LIN7C: variants seen among roughly 807,000 people sequenced by gnomAD.
LIN7C encodes the protein lin-7 cell polarity scaffold C.
A neutral mutation model predicts 24.7 loss-of-function variants in LIN7C; 17 were observed. That is an observed-to-expected ratio of 0.69 (90% confidence interval 0.47 to 1.03). The LOEUF (loss-of-function observed/expected upper bound fraction) is 1.03, where lower values mean the gene tolerates loss of function less well. LIN7C is among the 50% of genes least tolerant of loss of function. The pLI is 0.00. For synonymous variants in LIN7C, 90 were observed against 83.4 expected, an observed-to-expected ratio of 1.08 and a Z score of -0.43; for missense variants, 204 against 239.0, an observed-to-expected ratio of 0.85 and a Z score of 0.97.
In LIN7C at chr11:27,497,225, C is replaced by T. The variant is rs1335586615; in HGVS notation, c.*1424G>A. 1 of 152,578 alleles carries T rather than the reference C, an allele frequency of 6.6e-6. No homozygotes were observed. The highest frequency in any genetic ancestry group is 1.5e-5 in the Non-Finnish European group (1 of 67,970). 9.5% of individuals were successfully genotyped at this position (152,578 alleles called of 1,614,324 possible). ...TCACAAACATGCAGAAAAAAGCATA[C>T]AATTCTATTCTTCCTGAAGGAATGT... is the stretch of plus-strand genomic sequence containing the variant. On this transcript the variant is annotated 3_prime_UTR_variant, in exon 5 of 5. Coordinates refer to ENST00000278193, the MANE Select transcript of LIN7C (RefSeq NM_018362.4).
Position 27,498,596 on chromosome 11 carries a change from A to C in LIN7C, c.*53T>G. 6.4e-7 allele frequency: 1 copy of C among 1,550,840 alleles called. No individual in the cohort carries two copies. The highest frequency in any genetic ancestry group is 1.8e-5 in the Admixed American group (1 of 54,702). On this transcript the variant is annotated 3_prime_UTR_variant, in exon 5 of 5. Transcript: ENST00000278193. The stretch of plus-strand genomic sequence containing the variant: ...GCATTGCAGCCATTAGTAAGTCACA[A>C]GGAAAACTTCTCTAGCTAAAACGCA...
intron 3 of LIN7C, among the ~76,000 whole-genome samples, chr11:27,500,016 C>G (rs1865208128): frequency 6.6e-6 from 1 of 152,174 alleles, no homozygotes; most frequent in South Asian, 2.1e-4. Context: ...AGAAGGTAAG[C>G]TAAACAGAAG....
intron 3 of LIN7C, among the ~76,000 whole-genome samples, chr11:27,500,844 T>C (rs1448414178): frequency 6.6e-6 from 1 of 152,230 alleles, no homozygotes; most frequent in African/African-American, 2.4e-5. Context: ...TGTTTAAGTA[T>C]TTGTATTCAA....
chr11:27,501,825 C>T lies in LIN7C; in HGVS notation c.133G>A (p.Glu45Lys). The T allele has an allele frequency of 6.2e-7, 1 of 1,610,582 alleles. No homozygotes were observed. Among genetic ancestry groups the T allele is most frequent in the Non-Finnish European group, 8.5e-7 (1 of 1,176,978 alleles). The change falls in exon 2 of 5, where the codon GAA (glutamate) becomes AAA (lysine). Residue 45 changes from glutamate (E) to lysine (K), a missense_variant. Physicochemically the swap from Glu to Lys is moderately conservative, Grantham distance 56. Transcript: ENST00000278193. ...ACCTCTCTCACAGCATTGCAGAATT[C>T]ACTTTGAAGGACTCTTTGCAAAGCC... ...LQALQRVLQS[E>K]FCNAVREVYE... is the part of the protein sequence containing the mutation.
chr11:27,499,595 AT>A (rs1401977892), intron 3 of LIN7C, 27 bp from the exon 4 acceptor site: 2 of 1,588,452 alleles, frequency 1.3e-6, no homozygotes, highest in Non-Finnish European at 1.7e-6. Flanking sequence ...CATATTAAAA[AT>A]ATGACTTTTA....
chr11:27,500,698 G>A lies in LIN7C; in HGVS notation c.228+797C>T, dbSNP rs115249528. On this transcript the variant is annotated intron_variant, in intron 3 of 4. Coordinates refer to ENST00000278193, the MANE Select transcript of LIN7C (RefSeq NM_018362.4). ...GATTTACTGAATACCCGTTATCTTC[G>A]AAGCTCTGAAAAAGGCCTCATTTTT... Among the ~76,000 whole-genome samples the A allele has an allele frequency of 4.3e-3, 659 of 152,126 alleles. 7 individuals are homozygous for A. Among genetic ancestry groups the A allele is most frequent in the African/African-American group, 0.015 (614 of 41,482 alleles).
intron 1 of LIN7C, among the ~76,000 whole-genome samples, chr11:27,506,442 T>A (rs982500217): frequency 1.3e-5 from 2 of 152,206 alleles, no homozygotes; most frequent in Admixed American, 1.3e-4. Context: ...AGGGAGCGCG[T>A]GTGCGGCGTG....
Position 27,501,921 on chromosome 11 carries a change from CTAGAGT to C in LIN7C, c.38-7_38-2del. On this transcript the variant is annotated splice_acceptor_variant and splice_polypyrimidine_tract_variant and intron_variant, in intron 1 of 4. Coordinates refer to ENST00000278193, the MANE Select transcript of LIN7C (RefSeq NM_018362.4). LOFTEE classifies it high-confidence loss of function. ...AATAATTCAATTGCTCTACAAATATCTAGAGTTAAACACACACACAGATAATTTTCT... is the reference window on the plus strand; with the variant it reads ...AATAATTCAATTGCTCTACAAATATCTAAACACACACACAGATAATTTTCT... The C allele has an allele frequency of 1.9e-6, 3 of 1,550,474 alleles. No homozygotes were observed. The highest frequency in any genetic ancestry group is 2.2e-5 in the East Asian group (1 of 44,552).
At chr11:27,506,628 A>G (rs1865305223) in intron 1 of LIN7C, 88 bp downstream of exon 1, 2 of 1,472,518 alleles carry the variant, frequency 1.4e-6, no homozygotes, top group East Asian at 4.5e-5. Flanking sequence ...CCCGGATCTC[A>G]GAGCCTGGGT....
chr11:27,501,354 T>C, intron 3 of LIN7C, 141 bp downstream of exon 3: 1 of 616,312 alleles, frequency 1.6e-6, no homozygotes. Context: ...AATGTCTTAT[T>C]TCTTAGTACT....
At chr11:27,504,610 T>C (rs1865255289) in intron 1 of LIN7C, among the ~76,000 whole-genome samples, 1 of 152,188 alleles carries the variant, frequency 6.6e-6, no homozygotes, top group African/African-American at 2.4e-5. Flanking sequence ...CAGTGGGGGA[T>C]TCATTAGGAC....
chr11:27,504,360 CCTA>C (rs1865253045), intron 1 of LIN7C, among the ~76,000 whole-genome samples: 1 of 152,026 alleles, frequency 6.6e-6, no homozygotes, highest in African/African-American at 2.4e-5. Flanking sequence ...CTAAAATGTA[CCTA>C]CTATGTGCTC....
At chr11:27,506,558 T>C (rs963271330) in intron 1 of LIN7C, among the ~76,000 whole-genome samples, 158 bp downstream of exon 1, 2 of 152,128 alleles carry the variant, frequency 1.3e-5, no homozygotes, top group African/African-American at 4.8e-5. Flanking sequence ...TAAGCGCCCT[T>C]CCTAGAGCCA....
chr11:27,504,293 T>C (rs1184910921), intron 1 of LIN7C, among the ~76,000 whole-genome samples: 2 of 152,164 alleles, frequency 1.3e-5, no homozygotes. Flanking sequence ...ATATAAGCCA[T>C]ATAAAAATTT....
Position 27,506,687 on chromosome 11 carries a change from C to T in LIN7C, c.37+29G>A, listed in dbSNP as rs1865307686. On this transcript the variant is annotated intron_variant, in intron 1 of 4. Transcript: ENST00000278193. ...ACAGCACTCCCCCAACCCTTCCGCCCACCTCCGCCGAGCCTCGGCTGCACT... is the reference window on the plus strand; with the variant it reads ...ACAGCACTCCCCCAACCCTTCCGCCTACCTCCGCCGAGCCTCGGCTGCACT... 5 of 1,613,322 alleles carry T rather than the reference C, an allele frequency of 3.1e-6. No homozygotes were observed. In the East Asian group the frequency reaches 1.1e-4, roughly 36 times the overall value.
In LIN7C at chr11:27,498,643, A is replaced by C. The variant is rs1242966335; in HGVS notation, c.*6T>G. On this transcript the variant is annotated 3_prime_UTR_variant, in exon 5 of 5. Coordinates refer to ENST00000278193, the MANE Select transcript of LIN7C (RefSeq NM_018362.4). ...CGCAAAATGAAATATCAAGTTTTGA[A>C]ATGTATTAGGTCTGTTGCCTGCGTT... 1 of 1,595,958 alleles carries C rather than the reference A, an allele frequency of 6.3e-7. No individual in the cohort carries two copies. The highest frequency in any genetic ancestry group is 1.4e-5 in the African/African-American group (1 of 73,948).
chr11:27,499,701 C>T (rs1429194529), intron 3 of LIN7C, 133 bp from the exon 4 acceptor site: 3 of 726,456 alleles, frequency 4.1e-6, no homozygotes, highest in Non-Finnish European at 6.7e-6. Context: ...TGGCTCACTG[C>T]AAGCTCCACC....
rs955204712 is a variant in LIN7C at position 27,501,870 on chromosome 11, C to A, written c.88G>T (p.Val30Leu). 2 of 1,612,666 alleles carry A rather than the reference C, an allele frequency of 1.2e-6. No individual in the cohort carries two copies. The highest frequency in any genetic ancestry group is 1.3e-5 in the African/African-American group (1 of 74,898). ...LLEKLQRSGEVPPQKLQALQR... is the reference protein window; with the variant it reads ...LLEKLQRSGELPPQKLQALQR... ...AAAGCCTGAAGTTTCTGTGGTGGTA[C>A]TTCTCCACTCCTTTGTAGTTTTTCC... is the stretch of plus-strand genomic sequence containing the variant. Residue 30 changes from valine (V) to leucine (L), a missense_variant, in exon 2 of 5, where the codon GTA becomes TTA. By Grantham distance (32) the Val-to-Leu change is conservative. This residue lies in a region of LIN7C where 126 missense variants were observed against 117.8 expected (regional missense o/e 1.07). Transcript: ENST00000278193.
intron 1 of LIN7C, among the ~76,000 whole-genome samples, chr11:27,506,298 A>C (rs1865295838): frequency 1.3e-5 from 2 of 152,180 alleles, no homozygotes; most frequent in Non-Finnish European, 2.9e-5. Context: ...CGGGGAAAGG[A>C]GGTTCTGTTG....
Sources: allele counts gnomAD v4.1 joint callset (sites outside exome capture counted in the v4.1 genomes callset), GRCh38; gene constraint gnomAD v4.1.1; regional missense constraint gnomAD v4.1.1; transcripts MANE v1.5; gene names NCBI Gene and HGNC (gene_info 2026-07-23, HGNC 2026-07-21).